The following FHOD1 variants were observed in gnomAD, a reference collection of about 807,000 sequenced individuals.
FHOD1 encodes the protein formin homology 2 domain containing 1, also known as FH1/FH2 domain-containing protein 1.
Under a neutral mutation model 111.6 loss-of-function variants are expected in FHOD1, and 89 were observed. The ratio of observed to expected loss-of-function variants is 0.80; its 90% confidence interval spans 0.67 to 0.95. The LOEUF (loss-of-function observed/expected upper bound fraction) is 0.95. Ranked by LOEUF, FHOD1 falls within the 40% of genes least tolerant of loss-of-function variation. The probability of loss-of-function intolerance (pLI) is 0.00; values close to 1 mark genes in which losing one functional copy is unlikely to be tolerated. For missense variants in FHOD1, 1,446 were observed against 1,554.2 expected (o/e 0.93, Z 1.17); for synonymous variants, 618 against 639.0 (o/e 0.97, Z 0.50).
chr16:67,246,004 G>C (rs2034810298), intron 1 of FHOD1, among the ~76,000 whole-genome samples: 1 of 152,202 alleles, frequency 6.6e-6, no homozygotes. Flanking sequence ...GAGAAGCGGG[G>C]GCTGAGTCAA....
Position 67,239,330 on chromosome 16 carries a change from G to A in FHOD1, c.308+18C>T, listed in dbSNP as rs1372951531. On this transcript the variant is annotated intron_variant, in intron 2 of 21. Transcript: ENST00000258201. Reference sequence around the variant, plus strand: ...AGGGTGGGGGTAACCTTGCCTCCCTGGCCCCATCAGTTCTGACCTGATCTC... The same window carrying A: ...AGGGTGGGGGTAACCTTGCCTCCCTAGCCCCATCAGTTCTGACCTGATCTC... 6.3e-7 allele frequency: 1 copy of A among 1,599,384 alleles called. No homozygotes were observed. Among genetic ancestry groups the A allele is most frequent in the Non-Finnish European group, 8.6e-7 (1 of 1,166,776 alleles).
chr16:67,230,869 A>G, intron 17 of FHOD1, 78 bp from the exon 18 acceptor site: 1 of 1,455,062 alleles, frequency 6.9e-7, no homozygotes, highest in Non-Finnish European at 9.2e-7. Flanking sequence ...CTTCTGGGCC[A>G]GAGTGGCCAG....
At position 67,229,636 on chromosome 16, in the gene FHOD1, T is replaced by G; in HGVS notation, c.3495A>C (p.Ter1165CysextTer18). 6.2e-7 allele frequency: 1 copy of G among 1,613,934 alleles called. No individual in the cohort carries two copies. Among genetic ancestry groups the G allele is most frequent in the Non-Finnish European group, 8.5e-7 (1 of 1,179,828 alleles). ...GLSKGPGLEV[*>C] ...GATAGATTTCCGGGATACAGCACCT[T>G]CACACCTCCAGGCCAGGACCCTTGC... The change falls in exon 22 of 22, where the codon TGA becomes TGC. Residue 1165 changes from the stop codon to cysteine (C), a stop_lost. Transcript: ENST00000258201.
intron 1 of FHOD1, among the ~76,000 whole-genome samples, chr16:67,240,233 A>C (rs1348204673): frequency 6.6e-6 from 1 of 152,180 alleles, no homozygotes; most frequent in Non-Finnish European, 1.5e-5. Flanking sequence ...GCCTATTAAA[A>C]AACTAACTTT....
At position 67,229,473 on chromosome 16, in the gene FHOD1, C is replaced by A. The variant is rs187031352; in HGVS notation, c.*163G>T. 3 of 666,468 alleles carry A rather than the reference C, an allele frequency of 4.5e-6. No individual in the cohort carries two copies. The highest frequency in any genetic ancestry group is 8.2e-6 in the Non-Finnish European group (3 of 367,332). 41.3% of individuals were successfully genotyped at this position (666,468 alleles called of 1,614,324 possible). ...ACATGCATATGCATGCACACACACACATACACACACACTCACATGCATACA... is the reference window on the plus strand; with the variant it reads ...ACATGCATATGCATGCACACACACAAATACACACACACTCACATGCATACA... On this transcript the variant is annotated 3_prime_UTR_variant, in exon 22 of 22. Coordinates refer to ENST00000258201, the MANE Select transcript of FHOD1 (RefSeq NM_013241.3).
chr16:67,234,669 A>C (rs2034417405), intron 11 of FHOD1, 197 bp from the exon 12 acceptor site: 1 of 535,796 alleles, frequency 1.9e-6, no homozygotes, highest in African/African-American at 1.9e-5. Flanking sequence ...GGGGAGGATT[A>C]CTACCAACCC....
rs2034396915 is a variant in FHOD1 at position 67,234,304 on chromosome 16, CT to C, written c.1436-38del. ...GAAGGAGCTGTCAGTGCCATGCCCC[CT>C]GTGGGGCAACAAAGCAACAGGCAGG... is the stretch of plus-strand genomic sequence containing the variant. On this transcript the variant is annotated intron_variant, in intron 12 of 21. Coordinates refer to ENST00000258201, the MANE Select transcript of FHOD1 (RefSeq NM_013241.3). 2.5e-6 allele frequency: 4 copies of C among 1,598,770 alleles called. No homozygotes were observed. In the South Asian group the frequency reaches 3.3e-5, roughly 13 times the overall value.
Position 67,229,773 on chromosome 16 carries a change from G to T in FHOD1, c.3412+20C>A, listed in dbSNP as rs1193817440. 6.2e-7 allele frequency: 1 copy of T among 1,614,200 alleles called. No homozygotes were observed. The highest frequency in any genetic ancestry group is 8.5e-7 in the Non-Finnish European group (1 of 1,180,010). On this transcript the variant is annotated intron_variant, in intron 21 of 21. Transcript: ENST00000258201. ...TTGATGGGGTTCAGGTGGGCAGTGGGATTGTGGGGGGTTACTTACAAGACT... is the reference window on the plus strand; with the variant it reads ...TTGATGGGGTTCAGGTGGGCAGTGGTATTGTGGGGGGTTACTTACAAGACT...
Position 67,230,521 on chromosome 16 carries a change from G to A in FHOD1, c.2859-15C>T. 2 of 1,614,058 alleles carry A rather than the reference G, an allele frequency of 1.2e-6. No individual in the cohort carries two copies. The highest frequency in any genetic ancestry group is 8.5e-7 in the Non-Finnish European group (1 of 1,179,858). ...AGGCATGGAACCTAGGCAGGTCAGAGTAGGGAGGGACAGTAAGTCCTGCTT... is the reference window on the plus strand; with the variant it reads ...AGGCATGGAACCTAGGCAGGTCAGAATAGGGAGGGACAGTAAGTCCTGCTT... On this transcript the variant is annotated splice_polypyrimidine_tract_variant and intron_variant, in intron 18 of 21. Coordinates refer to ENST00000258201, the MANE Select transcript of FHOD1 (RefSeq NM_013241.3).
In FHOD1 at chr16:67,234,461, A is replaced by G; in HGVS notation, c.1331T>C (p.Leu444Pro). 6.3e-7 allele frequency: 1 copy of G among 1,592,348 alleles called. No homozygotes were observed. The highest frequency in any genetic ancestry group is 1.1e-5 in the South Asian group (1 of 88,534). ...SERSIYKARF[L>P]ENVAAAETEK... ...TGTTTCTGCTGCCGCCACATTCTCC[A>G]GGAACCGGGCTCTGAGGGAAGGTGC... is the stretch of plus-strand genomic sequence containing the variant. The change falls in exon 12 of 22, where the codon CTG (leucine) becomes CCG (proline). Residue 444 changes from leucine to proline, a missense_variant. This residue lies in a region of FHOD1 where 1,085 missense variants were observed against 1,108.8 expected (regional missense o/e 0.98). Transcript: ENST00000258201.
chr16:67,232,313 C>A, intron 13 of FHOD1, 119 bp from the exon 14 acceptor site: 1 of 881,076 alleles, frequency 1.1e-6, no homozygotes, highest in Non-Finnish European at 1.7e-6. Flanking sequence ...GTCAGGAGAT[C>A]GAGACCATCC....
Position 67,231,230 on chromosome 16 carries a change from A to G in FHOD1, c.2625T>C (p.Ser875=), listed in dbSNP as rs2034255959. 2.5e-6 allele frequency: 4 copies of G among 1,614,258 alleles called. No individual in the cohort carries two copies. Among genetic ancestry groups the G allele is most frequent in the Non-Finnish European group, 3.4e-6 (4 of 1,180,042 alleles). Residue 875 remains serine, a synonymous_variant, in exon 17 of 22, where the codon TCT becomes TCC. Coordinates refer to ENST00000258201, the MANE Select transcript of FHOD1 (RefSeq NM_013241.3). The surrounding 1 kb of genome is among the most constrained non-coding windows in gnomAD (Gnocchi z 4.3). ...SLVLQTRPES[S]DLYSEIPALT... ...GGGCAGGGATTTCTGAATAGAGGTC[A>G]GAGGACTCAGGCCGGGTCTGGAGCA...
intron 1 of FHOD1, among the ~76,000 whole-genome samples, chr16:67,244,101 CAA>C (rs1203592208): frequency 6.6e-6 from 1 of 152,178 alleles, no homozygotes; most frequent in African/African-American, 2.4e-5. Flanking sequence ...GCTAGGGAAA[CAA>C]AGTTGCTAGT....
rs557862914 is a variant in FHOD1, at chr16:67,238,881, A to G, written c.373+22T>C. On this transcript the variant is annotated intron_variant, in intron 3 of 21. Coordinates refer to ENST00000258201, the MANE Select transcript of FHOD1 (RefSeq NM_013241.3). The surrounding 1 kb of genome is among the most constrained non-coding windows in gnomAD (Gnocchi z 4.2). ...CTATGGGGAGGAGGTGCTGCTGGAC[A>G]TGGATGCTCTCACACACTCACCCAA... The G allele has an allele frequency of 6.2e-7, 1 of 1,613,560 alleles. No individual in the cohort carries two copies. The highest frequency in any genetic ancestry group is 1.1e-5 in the South Asian group (1 of 91,072).
chr16:67,241,053 G>A (rs1485613558), intron 1 of FHOD1, among the ~76,000 whole-genome samples: 2 of 150,436 alleles, frequency 1.3e-5, no homozygotes, highest in South Asian at 2.1e-4. Flanking sequence ...CAACCCTTGC[G>A]CCTGCCTCAG....
At chr16:67,244,389 A>C (rs1219089055) in intron 1 of FHOD1, among the ~76,000 whole-genome samples, 2 of 151,904 alleles carry the variant, frequency 1.3e-5, no homozygotes, top group African/African-American at 4.8e-5. Context: ...GGCTGGGGGA[A>C]TATTTTGGAG....
Position 67,233,904 on chromosome 16 carries a change from G to A in FHOD1, c.1799C>T (p.Pro600Leu). 2.5e-6 allele frequency: 4 copies of A among 1,590,588 alleles called. No individual in the cohort carries two copies. Among genetic ancestry groups the A allele is most frequent in the Non-Finnish European group, 3.4e-6 (4 of 1,168,978 alleles). Residue 600 changes from proline (P) to leucine (L), a missense_variant, in exon 13 of 22, where the codon CCA (proline) becomes CTA (leucine). Physicochemically the swap from Pro to Leu is moderately conservative, Grantham distance 98. Coordinates refer to ENST00000258201, the MANE Select transcript of FHOD1 (RefSeq NM_013241.3). ...GGCAGCCAGAGGTAGAGGTGGAGGT[G>A]GTGGGAAGGGGCCTTTGATGGGTGG... ...PPPPIKGPFP[P>L]PPPLPLAAPL...
intron 13 of FHOD1, among the ~76,000 whole-genome samples, chr16:67,233,408 C>T (rs978752972): frequency 6.6e-6 from 1 of 151,780 alleles, no homozygotes; most frequent in Middle Eastern, 3.4e-3. Context: ...GAGATAATGT[C>T]TCACTATGTT....
In FHOD1 at chr16:67,238,315, C is replaced by T. The variant is rs2034566896; in HGVS notation, c.442-8G>A. 2 of 1,613,942 alleles carry T rather than the reference C, an allele frequency of 1.2e-6. No homozygotes were observed. The highest frequency in any genetic ancestry group is 1.7e-6 in the Non-Finnish European group (2 of 1,179,978). Reference sequence around the variant, plus strand: ...CACCAGGTCTTTGTCCTCCTAGAGGCACCATGGGGGAGTTTAGGGAAGCTT... The same window carrying T: ...CACCAGGTCTTTGTCCTCCTAGAGGTACCATGGGGGAGTTTAGGGAAGCTT... On this transcript the variant is annotated splice_region_variant and splice_polypyrimidine_tract_variant and intron_variant, in intron 4 of 21. Transcript: ENST00000258201. This position sits in a 1 kb window ranked among gnomAD's most constrained non-coding sequence, Gnocchi z 4.2.
Sources: gnomAD v4.1 joint callset for allele counts (sites outside exome capture counted in the v4.1 genomes callset) on GRCh38, gnomAD v4.1.1 for gene constraint, gnomAD v4.1.1 regional missense constraint, Gnocchi (gnomAD v3.1) non-coding constraint, MANE v1.5 for transcripts, NCBI Gene and HGNC (gene_info 2026-07-23, HGNC 2026-07-21) for gene names.